The following EMCN variants were observed in gnomAD, a reference collection of about 807,000 sequenced individuals.
EMCN encodes endomucin.
Under a neutral mutation model 38.4 loss-of-function variants are expected in EMCN, and 37 were observed. That is an observed-to-expected ratio of 0.96 (90% CI 0.74 to 1.27). The LOEUF is 1.27. Among genes scored for constraint, EMCN ranks in the 50% most tolerant of loss-of-function variants. The pLI is 0.00. For missense variants in EMCN, 318 were observed against 302.8 expected, an observed-to-expected ratio of 1.05 and a Z score of -0.37; for synonymous variants, 95 against 100.8, an observed-to-expected ratio of 0.94 and a Z score of 0.35.
At chr4:100,517,157 C>T (rs1025109280) in intron 1 of EMCN, among the ~76,000 whole-genome samples, 5 of 152,082 alleles carry the variant, frequency 3.3e-5, no homozygotes, top group Admixed American at 6.6e-5. Context: ...CATTGATATA[C>T]TCAAGGCTTA....
intron 1 of EMCN, among the ~76,000 whole-genome samples, chr4:100,503,034 GT>G (rs1729391884): frequency 6.6e-6 from 1 of 152,002 alleles, no homozygotes; most frequent in East Asian, 1.9e-4. Flanking sequence ...TTGTTGTCAG[GT>G]TTTGGTTTCA....
At chr4:100,492,286 A>G (rs1345210782) in intron 1 of EMCN, among the ~76,000 whole-genome samples, 1 of 152,176 alleles carries the variant, frequency 6.6e-6, no homozygotes, top group Non-Finnish European at 1.5e-5. Flanking sequence ...AAAATGCAAT[A>G]GAAAGCTCCA....
chr4:100,504,650 G>T (rs557519580), intron 1 of EMCN, among the ~76,000 whole-genome samples: 26 of 152,222 alleles, frequency 1.7e-4, no homozygotes, highest in African/African-American at 6.0e-4. Flanking sequence ...GCCCGGACAG[G>T]GCCACCGGAG....
chr4:100,414,308 G>A (rs1289885082), intron 10 of EMCN, among the ~76,000 whole-genome samples: 3 of 141,112 alleles, frequency 2.1e-5, no homozygotes, highest in African/African-American at 8.2e-5. Context: ...GATCTCTCAT[G>A]TGCTTACTCA....
intron 4 of EMCN, among the ~76,000 whole-genome samples, chr4:100,448,132 T>C (rs1727730567): frequency 1.3e-5 from 2 of 152,114 alleles, no homozygotes; most frequent in African/African-American, 4.8e-5. Context: ...TTCAGACAGA[T>C]ACTTTTAAAA....
At chr4:100,404,610 G>A (rs1726344621) in intron 11 of EMCN, among the ~76,000 whole-genome samples, 1 of 152,058 alleles carries the variant, frequency 6.6e-6, no homozygotes, top group African/African-American at 2.4e-5. Context: ...ACTAGTTACT[G>A]TAGCCTTGTA....
chr4:100,483,686 T>A (rs1728872242), intron 1 of EMCN, among the ~76,000 whole-genome samples: 3 of 152,158 alleles, frequency 2.0e-5, no homozygotes. Context: ...GGAAACTTTG[T>A]CTTACCATGT....
intron 4 of EMCN, 113 bp downstream of exon 4, chr4:100,465,310 G>C (rs1728284525): frequency 1.6e-6 from 1 of 618,560 alleles, no homozygotes; most frequent in Admixed American, 2.6e-5. Context: ...TAGAGATTAA[G>C]AGACAATTTA....
chr4:100,461,394 C>G (rs1453968545), intron 4 of EMCN, among the ~76,000 whole-genome samples: 1 of 152,030 alleles, frequency 6.6e-6, no homozygotes, highest in African/African-American at 2.4e-5. Flanking sequence ...TCTTTTTCAT[C>G]CACTAGAAGG....
intron 4 of EMCN, among the ~76,000 whole-genome samples, chr4:100,453,480 T>G (rs1727908985): frequency 6.6e-6 from 1 of 152,204 alleles, no homozygotes; most frequent in Non-Finnish European, 1.5e-5. Context: ...AGATACCATC[T>G]CACACCTGTT....
intron 5 of EMCN, among the ~76,000 whole-genome samples, chr4:100,436,630 G>C (rs1286422208): frequency 6.6e-6 from 1 of 152,136 alleles, no homozygotes; most frequent in Non-Finnish European, 1.5e-5. Context: ...ATCAGTGATA[G>C]ACTGGATAAA....
chr4:100,464,367 C>G (rs1187233595), intron 4 of EMCN, among the ~76,000 whole-genome samples: 1 of 151,994 alleles, frequency 6.6e-6, no homozygotes, highest in African/African-American at 2.4e-5. Flanking sequence ...CCTTTTCAAT[C>G]TAAATGTATC....
chr4:100,476,393 C>T (rs1044942569), intron 2 of EMCN, among the ~76,000 whole-genome samples: 4 of 152,160 alleles, frequency 2.6e-5, no homozygotes, highest in Middle Eastern at 3.4e-3. Flanking sequence ...AAGTGATCCC[C>T]CAATTTCAAC....
chr4:100,443,748 G>A (rs1727587350), intron 5 of EMCN, among the ~76,000 whole-genome samples: 1 of 152,152 alleles, frequency 6.6e-6, no homozygotes, highest in Non-Finnish European at 1.5e-5. Context: ...AGTAAGGCAG[G>A]GTCTGTTCCT....
chr4:100,478,044 T>A (rs1001840494), intron 2 of EMCN, among the ~76,000 whole-genome samples: 1 of 152,202 alleles, frequency 6.6e-6, no homozygotes, highest in East Asian at 1.9e-4. Flanking sequence ...TAACCCTTAA[T>A]ACACAGTGGT....
At chr4:100,435,643 G>A (rs1042877526) in intron 5 of EMCN, among the ~76,000 whole-genome samples, 1 of 152,128 alleles carries the variant, frequency 6.6e-6, no homozygotes. Context: ...CAAGGCTACA[G>A]TAACCAAAGC....
chr4:100,442,625 T>G (rs1727555928), intron 5 of EMCN, among the ~76,000 whole-genome samples: 1 of 152,114 alleles, frequency 6.6e-6, no homozygotes, highest in African/African-American at 2.4e-5. Flanking sequence ...CTTCACAGAT[T>G]TTATCTTCTG....
chr4:100,402,999 T>G (rs1458369170), intron 11 of EMCN, among the ~76,000 whole-genome samples: 4 of 152,156 alleles, frequency 2.6e-5, no homozygotes, highest in Non-Finnish European at 5.9e-5. Context: ...ACAACGTCTC[T>G]CATCCTCATC....
chr4:100,449,433 C>T (rs1053357052), intron 4 of EMCN, among the ~76,000 whole-genome samples: 2 of 152,064 alleles, frequency 1.3e-5, no homozygotes, highest in African/African-American at 2.4e-5. Context: ...GTAAAATGGA[C>T]AGCTTTTCCT....
Sources: allele counts gnomAD v4.1 joint callset (sites outside exome capture counted in the v4.1 genomes callset), GRCh38; gene constraint gnomAD v4.1.1; transcripts MANE v1.5; gene names NCBI Gene and HGNC (gene_info 2026-07-23, HGNC 2026-07-21).